ANKIB1: variants seen among roughly 807,000 people sequenced by gnomAD.
ANKIB1 encodes the protein ankyrin repeat and IBR domain-containing protein 1.
ANKIB1 carries 43 observed loss-of-function variants against 122.1 expected under a neutral mutation model. The observed-to-expected ratio is 0.35, with a 90% CI of 0.28 to 0.45. The LOEUF (loss-of-function observed/expected upper bound fraction) is 0.45. ANKIB1 is among the 20% of genes least tolerant of loss of function. The pLI, the probability that ANKIB1 is intolerant of heterozygous loss-of-function variation, is 1.00. For missense variants in ANKIB1, 992 were observed against 1,329.5 expected (o/e 0.75, Z 3.95); for synonymous variants, 390 against 442.0 (o/e 0.88, Z 1.48).
chr7:92,273,981 C>T (rs992377880), intron 1 of ANKIB1, among the ~76,000 whole-genome samples: 8 of 151,956 alleles, frequency 5.3e-5, no homozygotes, highest in Admixed American at 2.6e-4. Flanking sequence ...CTATGTTGTC[C>T]GGGCTGGTCT....
At chr7:92,343,977 A>G (rs1803484125) in intron 6 of ANKIB1, among the ~76,000 whole-genome samples, 1 of 152,082 alleles carries the variant, frequency 6.6e-6, no homozygotes, top group Non-Finnish European at 1.5e-5. Context: ...CAGCCACTCA[A>G]AATATGTGAT....
chr7:92,294,315 A>G (rs1474744614), intron 1 of ANKIB1: 1 of 152,198 alleles, frequency 6.6e-6, no homozygotes, highest in South Asian at 2.1e-4. Context: ...TCTGTGTATT[A>G]TCAGTTTTAG....
In ANKIB1 at chr7:92,382,537, G is replaced by A. The variant is rs555047944; in HGVS notation, c.1618-3972G>A. On this transcript the variant is annotated intron_variant, in intron 11 of 19. Coordinates refer to ENST00000265742, the MANE Select transcript of ANKIB1 (RefSeq NM_019004.2). ...AAAAGAACAGAAATCACAACAAACT[G>A]TCTCTCAGACCACAGTGCAATCAAA... Among the ~76,000 whole-genome samples, 7 of 152,254 alleles carry A rather than the reference G, an allele frequency of 4.6e-5. No homozygotes were observed. The South Asian group carries it at 1.5e-3, about 32-fold the overall frequency.
intron 5 of ANKIB1, among the ~76,000 whole-genome samples, chr7:92,332,105 G>A (rs1468336689): frequency 2.6e-5 from 4 of 152,140 alleles, no homozygotes; most frequent in African/African-American, 9.7e-5. Context: ...CTTACTAAAA[G>A]CATTGTTCTG....
At chr7:92,388,076 A>G (rs776955319) in intron 14 of ANKIB1, 35 bp downstream of exon 14, 41 of 1,515,894 alleles carry the variant, frequency 2.7e-5, no homozygotes, top group Non-Finnish European at 1.4e-5. Context: ...TAATTAATAT[A>G]AAATATCTTT....
intron 3 of ANKIB1, among the ~76,000 whole-genome samples, chr7:92,316,533 A>G (rs1478726252): frequency 6.6e-6 from 1 of 152,228 alleles, no homozygotes; most frequent in Non-Finnish European, 1.5e-5. Context: ...CTTCCATTTC[A>G]TAATTGATTA....
At chr7:92,255,555 T>C (rs964577464) in intron 1 of ANKIB1, among the ~76,000 whole-genome samples, 5 of 152,204 alleles carry the variant, frequency 3.3e-5, no homozygotes, top group Admixed American at 2.6e-4. Flanking sequence ...CTGCTTGCTT[T>C]AACTGAGAAT....
chr7:92,294,240 AAATTCT>A (rs1562773579), intron 1 of ANKIB1, among the ~76,000 whole-genome samples: 5 of 152,200 alleles, frequency 3.3e-5, no homozygotes, highest in African/African-American at 9.7e-5. Flanking sequence ...TTTCAGACTT[AAATTCT>A]GTATAGCAGA....
At chr7:92,350,357 A>C (rs1177486575) in intron 7 of ANKIB1, among the ~76,000 whole-genome samples, 2 of 152,218 alleles carry the variant, frequency 1.3e-5, no homozygotes, top group Non-Finnish European at 2.9e-5. Context: ...TTTTAAATAA[A>C]AATACTTTTT....
At chr7:92,371,334 G>A (rs1804249907) in intron 10 of ANKIB1, 143 bp from the exon 11 acceptor site, 3 of 680,602 alleles carry the variant, frequency 4.4e-6, no homozygotes, top group African/African-American at 3.6e-5. Context: ...GTTTAAAAGT[G>A]TTGCCACAGA....
At chr7:92,277,541 A>G (rs192303746) in intron 1 of ANKIB1, among the ~76,000 whole-genome samples, 26 of 152,252 alleles carry the variant, frequency 1.7e-4, no homozygotes, top group African/African-American at 4.8e-4. Flanking sequence ...TCAGTTTGGT[A>G]TTTGGCTTCA....
chr7:92,372,230 T>G (rs963897432), intron 11 of ANKIB1, among the ~76,000 whole-genome samples: 5 of 152,108 alleles, frequency 3.3e-5, no homozygotes. Context: ...AAAAATTGCA[T>G]CTGTATCGAA....
intron 3 of ANKIB1, among the ~76,000 whole-genome samples, chr7:92,310,084 G>T (rs914094250): frequency 3.3e-5 from 5 of 151,362 alleles, no homozygotes; most frequent in African/African-American, 9.7e-5. Flanking sequence ...ATTGAGAGTG[G>T]TGTTTTACCA....
At chr7:92,360,675 G>C (rs756941997) in intron 9 of ANKIB1, among the ~76,000 whole-genome samples, 6 of 152,148 alleles carry the variant, frequency 3.9e-5, no homozygotes, top group Non-Finnish European at 8.8e-5. Flanking sequence ...CACAGCAACT[G>C]CATCAGCATT....
chr7:92,345,066 C>T lies in ANKIB1; in HGVS notation c.1085C>T (p.Ser362Leu), dbSNP rs1364150954. Residue 362 changes from serine to leucine, a missense_variant and splice_region_variant, in exon 7 of 20, where the codon TCG (serine) becomes TTG (leucine). This residue lies in a region of ANKIB1 where 521 missense variants were observed against 777.7 expected (regional missense o/e 0.67). Coordinates refer to ENST00000265742, the MANE Select transcript of ANKIB1 (RefSeq NM_019004.2). ...GHDFCRGCWESFLNLKIQEGE... is the reference protein window; with the variant it reads ...GHDFCRGCWELFLNLKIQEGE... ...GACTTTTGTAGAGGATGTTGGGAGT[C>T]GTGAGTATATGAGCACCTTAGCATC... 6.2e-6 allele frequency: 10 copies of T among 1,608,366 alleles called. No homozygotes were observed. The highest frequency in any genetic ancestry group is 1.3e-5 in the African/African-American group (1 of 74,872).
At chr7:92,310,564 A>G (rs1382182127) in intron 3 of ANKIB1, among the ~76,000 whole-genome samples, 1 of 152,176 alleles carries the variant, frequency 6.6e-6, no homozygotes, top group Non-Finnish European at 1.5e-5. Context: ...GTACAAGTGC[A>G]TACAATAAAT....
intron 11 of ANKIB1, among the ~76,000 whole-genome samples, chr7:92,373,200 A>T (rs991929998): frequency 3.3e-5 from 5 of 152,140 alleles, no homozygotes; most frequent in Non-Finnish European, 7.4e-5. Context: ...AGCCAAAATT[A>T]TTTCATCTAT....
chr7:92,297,234 G>A (rs987915808), intron 2 of ANKIB1, among the ~76,000 whole-genome samples: 1 of 152,166 alleles, frequency 6.6e-6, no homozygotes, highest in Admixed American at 6.5e-5. Context: ...CCAGCTAGAC[G>A]ACTGTAAGCT....
intron 14 of ANKIB1, among the ~76,000 whole-genome samples, chr7:92,389,648 T>G (rs1019284048): frequency 3.3e-5 from 5 of 152,168 alleles, no homozygotes; most frequent in African/African-American, 1.2e-4. Flanking sequence ...TAGAACCTTT[T>G]GGTTGACCTA....
Sources: allele counts gnomAD v4.1 joint callset (sites outside exome capture counted in the v4.1 genomes callset), GRCh38; gene constraint gnomAD v4.1.1; regional missense constraint gnomAD v4.1.1; transcripts MANE v1.5; gene names NCBI Gene and HGNC (gene_info 2026-07-23, HGNC 2026-07-21).